DCDC2C: variants seen among roughly 807,000 people sequenced by gnomAD.
DCDC2C encodes doublecortin domain containing 2C.
DCDC2C carries 44 observed loss-of-function variants against 45.0 expected under a neutral mutation model. That is an observed-to-expected ratio of 0.98 (90% CI 0.77 to 1.26). DCDC2C has a LOEUF of 1.26. Among genes scored for constraint, DCDC2C ranks in the 50% most tolerant of loss-of-function variants. The probability of loss-of-function intolerance (pLI) is 0.00; values close to 1 mark genes in which losing one functional copy is unlikely to be tolerated. For synonymous variants in DCDC2C, 187 were observed against 178.8 expected, an observed-to-expected ratio of 1.05 and a Z score of -0.37; for missense variants, 447 against 468.9, an observed-to-expected ratio of 0.95 and a Z score of 0.43.
At chr2:3,719,093 T>C (rs1034230766) in intron 2 of DCDC2C, among the ~76,000 whole-genome samples, 2 of 149,654 alleles carry the variant, frequency 1.3e-5, no homozygotes, top group African/African-American at 2.4e-5. Flanking sequence ...GCTGTTTCCT[T>C]TTTTTTTTTT....
At chr2:3,805,483 A>C (rs1280735006) in intron 10 of DCDC2C, among the ~76,000 whole-genome samples, 2 of 152,210 alleles carry the variant, frequency 1.3e-5, no homozygotes, top group African/African-American at 2.4e-5. Context: ...AAATGGAGCA[A>C]AGTCTAAAGA....
chr2:3,738,701 G>GT, intron 3 of DCDC2C, among the ~76,000 whole-genome samples: 1 of 152,266 alleles, frequency 6.6e-6, no homozygotes, highest in African/African-American at 2.4e-5. Context: ...TGCATGCACT[G>GT]TTGTGTACCT....
At chr2:3,810,055 C>T (rs1019946957) in intron 10 of DCDC2C, among the ~76,000 whole-genome samples, 2 of 152,130 alleles carry the variant, frequency 1.3e-5, no homozygotes, top group African/African-American at 2.4e-5. Flanking sequence ...AATAAACATA[C>T]GTGTGCATGT....
At chr2:3,708,824 G>A (rs893950152) in intron 2 of DCDC2C, among the ~76,000 whole-genome samples, 1 of 152,228 alleles carries the variant, frequency 6.6e-6, no homozygotes, top group South Asian at 2.1e-4. Flanking sequence ...TGTGCAGAGG[G>A]AGATAGTCAT....
intron 2 of DCDC2C, among the ~76,000 whole-genome samples, chr2:3,721,505 G>T (rs1668504027): frequency 6.6e-6 from 1 of 152,174 alleles, no homozygotes; most frequent in South Asian, 2.1e-4. Context: ...TTCATGGAGG[G>T]TAGTTGGAGC....
At chr2:3,704,363 AGGGCGTGGGGGAGGGGTGTGGAGAG>A (rs1350854700) in intron 1 of DCDC2C, among the ~76,000 whole-genome samples, 41 of 79,986 alleles carry the variant, frequency 5.1e-4, no homozygotes, top group Non-Finnish European at 9.0e-4. Flanking sequence ...GGTGTGGAGG[AGGGCGTGGGGGAGGGGTGTGGAGAG>A]GGGCGTGGGG....
intron 2 of DCDC2C, among the ~76,000 whole-genome samples, chr2:3,722,027 A>G (rs1402422388): frequency 1.3e-5 from 2 of 152,258 alleles, no homozygotes; most frequent in Admixed American, 6.5e-5. Context: ...AATCCTCATT[A>G]CAGTCATTTG....
intron 10 of DCDC2C, among the ~76,000 whole-genome samples, chr2:3,789,792 T>C (rs1670756737): frequency 1.3e-5 from 2 of 152,228 alleles, no homozygotes; most frequent in Non-Finnish European, 1.5e-5. Context: ...TTTGATCCTC[T>C]TGTGGCTTTT....
chr2:3,729,669 A>G (rs1668803880), intron 3 of DCDC2C, among the ~76,000 whole-genome samples: 1 of 152,184 alleles, frequency 6.6e-6, no homozygotes. Flanking sequence ...CTTGCAGTTC[A>G]AGGGAAGGAT....
intron 2 of DCDC2C, among the ~76,000 whole-genome samples, chr2:3,710,029 G>A (rs750142588): frequency 2.6e-5 from 4 of 151,994 alleles, no homozygotes; most frequent in Non-Finnish European, 4.4e-5. Flanking sequence ...ACCCAAAAGA[G>A]TTTAAAAAAT....
chr2:3,822,678 C>T (rs1384296919), intron 10 of DCDC2C, among the ~76,000 whole-genome samples: 1 of 151,530 alleles, frequency 6.6e-6, no homozygotes, highest in East Asian at 1.9e-4. Flanking sequence ...TTTGTTTGCT[C>T]TTTCCTTTTT....
chr2:3,747,237 T>A (rs1414701861), intron 4 of DCDC2C, among the ~76,000 whole-genome samples: 1 of 152,166 alleles, frequency 6.6e-6, no homozygotes, highest in African/African-American at 2.4e-5. Context: ...CCGCCTCGGT[T>A]TCTGTGCAGG....
At chr2:3,739,216 C>T (rs1669121948) in intron 3 of DCDC2C, among the ~76,000 whole-genome samples, 1 of 152,206 alleles carries the variant, frequency 6.6e-6, no homozygotes, top group Non-Finnish European at 1.5e-5. Context: ...GTTATCCCAT[C>T]CCTCAGATAT....
intron 10 of DCDC2C, among the ~76,000 whole-genome samples, chr2:3,823,607 C>T (rs1572642874): frequency 6.6e-6 from 1 of 152,130 alleles, no homozygotes; most frequent in Non-Finnish European, 1.5e-5. Context: ...AGTTTTTGCT[C>T]CATGTATTTT....
intron 1 of DCDC2C, among the ~76,000 whole-genome samples, chr2:3,705,587 G>A (rs1572544518): frequency 6.6e-6 from 1 of 152,192 alleles, no homozygotes; most frequent in Admixed American, 6.5e-5. Flanking sequence ...ATTGGCCTGT[G>A]TTTTACATGT....
intron 8 of DCDC2C, among the ~76,000 whole-genome samples, chr2:3,778,362 C>T (rs1273008338): frequency 6.6e-6 from 1 of 152,160 alleles, no homozygotes; most frequent in South Asian, 2.1e-4. Flanking sequence ...GGCTCCAGGA[C>T]ACAGATTAGG....
intron 10 of DCDC2C, among the ~76,000 whole-genome samples, chr2:3,826,981 G>T (rs917483010): frequency 4.1e-5 from 6 of 145,866 alleles, no homozygotes; most frequent in Non-Finnish European, 7.5e-5. Flanking sequence ...CCCTCCAATT[G>T]TTTATTAAGT....
intron 4 of DCDC2C, among the ~76,000 whole-genome samples, chr2:3,751,773 T>C (rs1003058922): frequency 3.9e-4 from 59 of 152,198 alleles, no homozygotes; most frequent in African/African-American, 1.4e-3. Flanking sequence ...CTGAGCCTCC[T>C]CCCACAGGGG....
At chr2:3,820,585 A>G (rs2148223369) in intron 10 of DCDC2C, among the ~76,000 whole-genome samples, 1 of 152,290 alleles carries the variant, frequency 6.6e-6, no homozygotes, top group East Asian at 1.9e-4. Flanking sequence ...ACAGTGATTA[A>G]ACACCAAGGG....
Sources: allele counts gnomAD v4.1 joint callset (sites outside exome capture counted in the v4.1 genomes callset), GRCh38; gene constraint gnomAD v4.1.1; transcripts MANE v1.5; gene names NCBI Gene and HGNC (gene_info 2026-07-23, HGNC 2026-07-21).